ZBTB41: variants seen among roughly 807,000 people sequenced by gnomAD.
The protein encoded by ZBTB41 is zinc finger and BTB domain-containing protein 41.
ZBTB41 carries 42 observed loss-of-function variants against 87.6 expected under a neutral mutation model. That is an observed-to-expected ratio of 0.48 (90% CI 0.37 to 0.62). The LOEUF (loss-of-function observed/expected upper bound fraction) is 0.62. Among genes scored for constraint, ZBTB41 ranks in the 20% least tolerant of loss-of-function variants. The pLI is 0.00. For synonymous variants in ZBTB41, 364 were observed against 364.0 expected, an observed-to-expected ratio of 1.00 and a Z score of 0.00; for missense variants, 799 against 1,078.9, an observed-to-expected ratio of 0.74 and a Z score of 3.63.
intron 2 of ZBTB41, among the ~76,000 whole-genome samples, chr1:197,196,936 T>C (rs1305959949): frequency 1.3e-5 from 1 of 77,438 alleles, no homozygotes; most frequent in Non-Finnish European, 3.5e-5. Flanking sequence ...TCTATACTTA[T>C]CCTGATAAAA....
chr1:197,195,831 G>A (rs1392912428), intron 2 of ZBTB41, among the ~76,000 whole-genome samples: 1 of 152,004 alleles, frequency 6.6e-6, no homozygotes, highest in Admixed American at 6.6e-5. Context: ...GAAGACAGCC[G>A]GTAGCCTAAG....
At chr1:197,195,727 T>C (rs761622603) in intron 2 of ZBTB41, among the ~76,000 whole-genome samples, 2 of 152,202 alleles carry the variant, frequency 1.3e-5, no homozygotes, top group Non-Finnish European at 2.9e-5. Context: ...TCACCCCATC[T>C]GTCATCTCCC....
intron 9 of ZBTB41, among the ~76,000 whole-genome samples, chr1:197,173,260 C>T (rs1659520789): frequency 6.6e-6 from 1 of 152,086 alleles, no homozygotes; most frequent in African/African-American, 2.4e-5. Context: ...ATGTTTAGAA[C>T]ATTGTTACCA....
In ZBTB41 at chr1:197,199,868, T is replaced by C; in HGVS notation, c.606A>G (p.Arg202=). 1 of 1,609,756 alleles carries C rather than the reference T, an allele frequency of 6.2e-7. No individual in the cohort carries two copies. Among genetic ancestry groups the C allele is most frequent in the Non-Finnish European group, 8.5e-7 (1 of 1,178,474 alleles). The change falls in exon 2 of 11, where the codon AGA becomes AGG. Residue 202 remains arginine, a synonymous_variant. Transcript: ENST00000367405. ...PEETLNELTG[R]LSNNHQCKFC... The stretch of plus-strand genomic sequence containing the variant: ...ATTTGCACTGATGATTATTTGATAG[T>C]CTTCCAGTTAATTCATTTAGTGTTT...
Position 197,190,778 on chromosome 1 carries a change from T to C in ZBTB41, c.1382A>G (p.Glu461Gly). The C allele has an allele frequency of 2.5e-6, 4 of 1,589,544 alleles. No individual in the cohort carries two copies. Among genetic ancestry groups the C allele is most frequent in the Non-Finnish European group, 3.4e-6 (4 of 1,165,686 alleles). The change falls in exon 4 of 11, where the codon GAA becomes GGA. Residue 461 changes from glutamate to glycine, a missense_variant. Physicochemically the swap from Glu to Gly is moderately conservative, Grantham distance 98. Around this residue, in one of 5 missense-constraint regions of ZBTB41, gnomAD observed 294 missense variants for 340.1 expected, o/e 0.86. Transcript: ENST00000367405. ...EFISIKKTKS[E>G]SWKCDICKKS... ...AACTCTTACATCACATTTCCAACTT[T>C]CACTCTTAGTCTTCTTAATGGAAAT...
chr1:197,172,776 T>C (rs1286792913), intron 9 of ZBTB41, among the ~76,000 whole-genome samples: 2 of 152,040 alleles, frequency 1.3e-5, no homozygotes, highest in Non-Finnish European at 2.9e-5. Flanking sequence ...AAAAAATAGA[T>C]GCTCAGGCTG....
intron 2 of ZBTB41, among the ~76,000 whole-genome samples, chr1:197,195,904 C>T (rs1660150773): frequency 6.6e-6 from 1 of 152,240 alleles, no homozygotes; most frequent in Admixed American, 6.5e-5. Context: ...TAGTAGATTA[C>T]TTATTGTGGA....
rs1223294845 is a variant in ZBTB41 at position 197,157,821 on chromosome 1, T to C, written c.*1538A>G. ...CAGCGACAGTTTCCGCCATTACTAATTGATTAAACTTTATTCATTAAAACT... is the reference window on the plus strand; with the variant it reads ...CAGCGACAGTTTCCGCCATTACTAACTGATTAAACTTTATTCATTAAAACT... On this transcript the variant is annotated 3_prime_UTR_variant, in exon 11 of 11. Coordinates refer to ENST00000367405, the MANE Select transcript of ZBTB41 (RefSeq NM_194314.3). 4 of 152,188 alleles carry C rather than the reference T, an allele frequency of 2.6e-5. No individual in the cohort carries two copies. Among genetic ancestry groups the C allele is most frequent in the South Asian group, 2.1e-4 (1 of 4,838 alleles). 9.4% of individuals were successfully genotyped at this position (152,188 alleles called of 1,614,324 possible).
chr1:197,164,860 C>T (rs1236148980), intron 10 of ZBTB41, among the ~76,000 whole-genome samples: 2 of 112,584 alleles, frequency 1.8e-5, no homozygotes, highest in African/African-American at 3.7e-5. Flanking sequence ...ATATATAATA[C>T]ATATCTAATA....
intron 2 of ZBTB41, among the ~76,000 whole-genome samples, chr1:197,196,427 C>T (rs887291048): frequency 7.9e-5 from 12 of 152,130 alleles, no homozygotes; most frequent in African/African-American, 2.4e-4. Context: ...CATTCTACAT[C>T]CCACTCCCAA....
chr1:197,191,611 C>T, intron 3 of ZBTB41, 81 bp downstream of exon 3: 1 of 1,153,094 alleles, frequency 8.7e-7, no homozygotes, highest in Non-Finnish European at 1.2e-6. Context: ...GAGATAAGCA[C>T]TTTATAGATG....
intron 10 of ZBTB41, among the ~76,000 whole-genome samples, chr1:197,160,326 G>T (rs550529029): frequency 6.6e-6 from 1 of 152,170 alleles, no homozygotes; most frequent in Non-Finnish European, 1.5e-5. Context: ...GTTGGTAAAT[G>T]GACCAAAAGA....
Position 197,154,120 on chromosome 1 carries a change from C to T in ZBTB41, c.*5239G>A, listed in dbSNP as rs1183848880. The T allele has an allele frequency of 1.3e-5, 2 of 152,424 alleles. No homozygotes were observed. Among genetic ancestry groups the T allele is most frequent in the Non-Finnish European group, 2.9e-5 (2 of 67,954 alleles). The allele number at this position is 152,424 out of a possible 1,614,324, so 9.4% of individuals were successfully genotyped here. A position where few individuals can be genotyped will look rare whatever the true frequency, so the allele number is the denominator to read the frequency against. On this transcript the variant is annotated 3_prime_UTR_variant, in exon 11 of 11. Coordinates refer to ENST00000367405, the MANE Select transcript of ZBTB41 (RefSeq NM_194314.3). ...TCAATAGGGATAAGAAGAGTTCAAT[C>T]GTTAGAAGGAATAAAAATTTTGTAA...
chr1:197,164,767 C>T (rs1486536845), intron 10 of ZBTB41, among the ~76,000 whole-genome samples: 1 of 82,108 alleles, frequency 1.2e-5, no homozygotes, highest in African/African-American at 6.1e-5. Context: ...ATATATAATA[C>T]ATATCTAATA....
chr1:197,189,631 C>G (rs879304112), intron 4 of ZBTB41, among the ~76,000 whole-genome samples: 7 of 152,128 alleles, frequency 4.6e-5, no homozygotes, highest in Non-Finnish European at 1.0e-4. Flanking sequence ...AAAATGGAAT[C>G]TAATTCCCTT....
chr1:197,171,903 A>C (rs1366269725), intron 10 of ZBTB41, among the ~76,000 whole-genome samples: 1 of 151,960 alleles, frequency 6.6e-6, no homozygotes, highest in Admixed American at 6.6e-5. Context: ...AGTTGAGTAA[A>C]TATCTTATGG....
chr1:197,187,691 T>C (rs903623359), intron 5 of ZBTB41, among the ~76,000 whole-genome samples: 1 of 152,160 alleles, frequency 6.6e-6, no homozygotes, highest in Non-Finnish European at 1.5e-5. Context: ...CATTTAGCAC[T>C]ATACTAAGTG....
In ZBTB41 at chr1:197,159,299, G is replaced by A. The variant is rs1659141145; in HGVS notation, c.*60C>T. ...AAATAGCAGCCCCACAAATTTAAAAGCTATCATCTCTACCATTAGCATATA... is the reference window on the plus strand; with the variant it reads ...AAATAGCAGCCCCACAAATTTAAAAACTATCATCTCTACCATTAGCATATA... On this transcript the variant is annotated 3_prime_UTR_variant, in exon 11 of 11. Transcript: ENST00000367405. 1 of 1,519,334 alleles carries A rather than the reference G, an allele frequency of 6.6e-7. No individual in the cohort carries two copies. Among genetic ancestry groups the A allele is most frequent in the African/African-American group, 1.4e-5 (1 of 72,506 alleles). 94.1% of individuals were successfully genotyped at this position (1,519,334 alleles called of 1,614,324 possible). A position where few individuals can be genotyped will look rare whatever the true frequency, so the allele number is the denominator to read the frequency against.
intron 8 of ZBTB41, 47 bp downstream of exon 8, chr1:197,176,517 G>T: frequency 1.6e-6 from 2 of 1,286,342 alleles, no homozygotes; most frequent in Non-Finnish European, 2.2e-6. Flanking sequence ...GTTCCTTTCA[G>T]GTATTTAAAA....
Sources: gnomAD v4.1 joint callset for allele counts (sites outside exome capture counted in the v4.1 genomes callset) on GRCh38, gnomAD v4.1.1 for gene constraint, gnomAD v4.1.1 regional missense constraint, MANE v1.5 for transcripts, NCBI Gene and HGNC (gene_info 2026-07-23, HGNC 2026-07-21) for gene names.